ZBTB8OS: variants seen among roughly 807,000 people sequenced by gnomAD.
ZBTB8OS encodes the protein tRNA-splicing ligase-activating factor archease.
Under a neutral mutation model 29.3 loss-of-function variants are expected in ZBTB8OS, and 16 were observed. That is an observed-to-expected ratio of 0.55 (90% confidence interval 0.37 to 0.83). The LOEUF (loss-of-function observed/expected upper bound fraction) is 0.83, where lower values mean the gene tolerates loss of function less well. Ranked by LOEUF, ZBTB8OS falls within the 40% of genes least tolerant of loss-of-function variation. The pLI is 0.00. For synonymous variants in ZBTB8OS, 70 were observed against 64.6 expected (o/e 1.08, Z -0.40); for missense variants, 160 against 196.9 (o/e 0.81, Z 1.12).
chr1:32,634,548 G>A, intron 2 of ZBTB8OS: 1 of 571,806 alleles, frequency 1.7e-6, no homozygotes, highest in East Asian at 2.8e-5. Context: ...TTTATTTTTT[G>A]AGATGGGGTC....
intron 1 of ZBTB8OS, among the ~76,000 whole-genome samples, chr1:32,649,107 A>G (rs978961325): frequency 2.7e-5 from 4 of 150,090 alleles, no homozygotes; most frequent in Non-Finnish European, 5.9e-5. Flanking sequence ...AGCTGGGATT[A>G]CAGGCGCCCA....
upstream of ZBTB8OS, chr1:32,650,652 G>A (rs1647413214): frequency 5.7e-6 from 9 of 1,565,936 alleles, no homozygotes; most frequent in East Asian, 2.3e-5. Context: ...TCCTTTCTCG[G>A]AGTTGGCTGT....
chr1:32,621,037 A>G lies in ZBTB8OS; in HGVS notation c.*825T>C, dbSNP rs1570400872. 2 of 152,172 alleles carry G rather than the reference A, an allele frequency of 1.3e-5. No individual in the cohort carries two copies. Among genetic ancestry groups the G allele is most frequent in the African/African-American group, 2.4e-5 (1 of 41,442 alleles). 9.4% of individuals were successfully genotyped at this position (152,172 alleles called of 1,614,324 possible). A position where few individuals can be genotyped will look rare whatever the true frequency, so the allele number is the denominator to read the frequency against. On this transcript the variant is annotated 3_prime_UTR_variant, in exon 7 of 7. Transcript: ENST00000468695. ...TCTAATTGTTTCTCTACAAAAACCAACTGGAATACAGGATAGCTCTGTCCT... is the reference window on the plus strand; with the variant it reads ...TCTAATTGTTTCTCTACAAAAACCAGCTGGAATACAGGATAGCTCTGTCCT...
intron 5 of ZBTB8OS, among the ~76,000 whole-genome samples, chr1:32,629,330 T>A (rs1645359954): frequency 6.6e-6 from 1 of 151,738 alleles, no homozygotes; most frequent in South Asian, 2.1e-4. Context: ...GTAGGAGGAT[T>A]GCTTGAGCCC....
intron 4 of ZBTB8OS, chr1:32,633,338 A>G (rs764045951): frequency 1.2e-4 from 28 of 241,830 alleles, no homozygotes; most frequent in Non-Finnish European, 2.0e-4. Context: ...CCTCGACAAC[A>G]TAGCAACACC....
intron 1 of ZBTB8OS, among the ~76,000 whole-genome samples, chr1:32,635,496 T>C (rs1645886202): frequency 6.6e-6 from 1 of 152,206 alleles, no homozygotes; most frequent in Non-Finnish European, 1.5e-5. Flanking sequence ...GCTCTTGAAC[T>C]CTTGACCTCA....
chr1:32,633,463 C>T (rs1645727291), intron 4 of ZBTB8OS, 182 bp downstream of exon 4: 1 of 537,732 alleles, frequency 1.9e-6, no homozygotes, highest in Non-Finnish European at 3.3e-6. Flanking sequence ...GAAATGTTCC[C>T]ACATAGGCAA....
At chr1:32,633,891 T>C (rs1645754537) in intron 3 of ZBTB8OS, 60 bp downstream of exon 3, 1 of 1,522,582 alleles carries the variant, frequency 6.6e-7, no homozygotes, top group African/African-American at 1.4e-5. Context: ...TTATGTAGAA[T>C]ACTGCACAAT....
At chr1:32,630,749 G>A (rs764564259) in intron 5 of ZBTB8OS, among the ~76,000 whole-genome samples, 4 of 151,994 alleles carry the variant, frequency 2.6e-5, no homozygotes, top group African/African-American at 9.7e-5. Flanking sequence ...AGTGGCTCAA[G>A]CCTGTAATCT....
chr1:32,632,797 C>A (rs1645673439), intron 4 of ZBTB8OS, among the ~76,000 whole-genome samples: 1 of 152,148 alleles, frequency 6.6e-6, no homozygotes, highest in Non-Finnish European at 1.5e-5. Context: ...TCTGCCGCTG[C>A]TGTACACTGC....
intron 1 of ZBTB8OS, among the ~76,000 whole-genome samples, chr1:32,644,858 C>T (rs1172554208): frequency 6.6e-6 from 1 of 151,700 alleles, no homozygotes; most frequent in East Asian, 1.9e-4. Context: ...TAATTTACTA[C>T]CACGCACTTA....
intron 1 of ZBTB8OS, among the ~76,000 whole-genome samples, chr1:32,636,003 A>G (rs1187179413): frequency 6.6e-6 from 1 of 152,180 alleles, no homozygotes; most frequent in African/African-American, 2.4e-5. Flanking sequence ...CGTGGATAAC[A>G]TCACTATTGT....
At chr1:32,632,529 C>G (rs1224943252) in intron 4 of ZBTB8OS, among the ~76,000 whole-genome samples, 2 of 152,158 alleles carry the variant, frequency 1.3e-5, no homozygotes, top group Admixed American at 1.3e-4. Context: ...ATCCTCCCAC[C>G]TCAGCCTCTG....
chr1:32,644,820 T>C (rs1646716296), intron 1 of ZBTB8OS, among the ~76,000 whole-genome samples: 1 of 151,190 alleles, frequency 6.6e-6, no homozygotes, highest in Non-Finnish European at 1.5e-5. Flanking sequence ...GTTAGGATTA[T>C]AGGCACGAGC....
intron 6 of ZBTB8OS, among the ~76,000 whole-genome samples, chr1:32,625,971 C>T (rs1041011354): frequency 6.6e-6 from 1 of 151,560 alleles, no homozygotes; most frequent in African/African-American, 2.4e-5. Flanking sequence ...CTCCCAGGTT[C>T]AAGCGATTCT....
chr1:32,630,837 C>T (rs1340335487), intron 5 of ZBTB8OS, among the ~76,000 whole-genome samples: 1 of 151,582 alleles, frequency 6.6e-6, no homozygotes. Context: ...CACAGTGAAA[C>T]CCCGTCTATA....
At position 32,631,807 on chromosome 1, in the gene ZBTB8OS, A is replaced by G. The variant is rs1430645140; in HGVS notation, c.380+20T>C. ...AGAATATAACTTTAACTCGGTACTT[A>G]AAAGACTTTCAAAACTTACCCAATT... On this transcript the variant is annotated intron_variant, in intron 5 of 6. Coordinates refer to ENST00000468695, the MANE Select transcript of ZBTB8OS (RefSeq NM_178547.5). 5.8e-6 allele frequency: 9 copies of G among 1,559,414 alleles called. 1 individual carries two copies. The highest frequency in any genetic ancestry group is 7.9e-6 in the Non-Finnish European group (9 of 1,139,516).
chr1:32,645,675 C>G (rs75916051), intron 1 of ZBTB8OS, among the ~76,000 whole-genome samples: 2,104 of 152,224 alleles, frequency 0.014, 30 homozygotes, highest in East Asian at 0.033. Flanking sequence ...GGATAGAGTG[C>G]AGTGGTACAA....
At chr1:32,644,375 G>A (rs748193707) in intron 1 of ZBTB8OS, among the ~76,000 whole-genome samples, 1 of 152,064 alleles carries the variant, frequency 6.6e-6, no homozygotes, top group African/African-American at 2.4e-5. Flanking sequence ...AGCTAAGGGA[G>A]AGTCAATTCA....
Sources: gnomAD v4.1 joint callset for allele counts (sites outside exome capture counted in the v4.1 genomes callset) on GRCh38, gnomAD v4.1.1 for gene constraint, MANE v1.5 for transcripts, NCBI Gene and HGNC (gene_info 2026-07-23, HGNC 2026-07-21) for gene names.